The following DDX50 variants were observed in gnomAD, a reference collection of about 807,000 sequenced individuals.
DDX50 encodes DExD-box helicase 50, also known as ATP-dependent RNA helicase DDX50.
In DDX50, 56 loss-of-function variants were observed where a neutral mutation model predicts 94.8. The ratio of observed to expected loss-of-function variants is 0.59; its 90% confidence interval spans 0.48 to 0.74. The LOEUF is 0.74. Among genes scored for constraint, DDX50 ranks in the 30% least tolerant of loss-of-function variants. DDX50 has a pLI of 0.00. For synonymous variants in DDX50, 264 were observed against 295.4 expected (o/e 0.89, Z 1.09); for missense variants, 713 against 881.2 (o/e 0.81, Z 2.42).
intron 7 of DDX50, among the ~76,000 whole-genome samples, chr10:68,918,052 G>A (rs1373081933): frequency 1.3e-5 from 2 of 152,038 alleles, no homozygotes; most frequent in Non-Finnish European, 2.9e-5. Context: ...AGCCTCCTGA[G>A]TAGCTGGGAT....
At chr10:68,905,417 G>T (rs557754318) in intron 1 of DDX50, among the ~76,000 whole-genome samples, 1 of 151,460 alleles carries the variant, frequency 6.6e-6, no homozygotes. Context: ...ACTTCTATAT[G>T]AATTATATAG....
At chr10:68,901,603 G>A in intron 1 of DDX50, 132 bp downstream of exon 1, 1 of 943,736 alleles carries the variant, frequency 1.1e-6, no homozygotes, top group East Asian at 2.9e-5. Context: ...CGCCGCCCTC[G>A]GCCCTCTGGG....
chr10:68,931,813 C>T (rs1263797492), intron 8 of DDX50, among the ~76,000 whole-genome samples: 1 of 151,960 alleles, frequency 6.6e-6, no homozygotes, highest in African/African-American at 2.4e-5. Flanking sequence ...TATTCTATTC[C>T]AATCTCATCT....
intron 8 of DDX50, among the ~76,000 whole-genome samples, chr10:68,933,132 G>A (rs868058412): frequency 6.7e-6 from 1 of 150,066 alleles, no homozygotes; most frequent in African/African-American, 2.5e-5. Context: ...GCAATGGCAC[G>A]ATCTCAGCTC....
intron 6 of DDX50, 24 bp downstream of exon 6, chr10:68,913,600 A>G: frequency 6.3e-7 from 1 of 1,579,778 alleles, no homozygotes. Flanking sequence ...CAAAATAAGC[A>G]CATTAGCAAT....
At chr10:68,940,396 G>A (rs934704048) in intron 12 of DDX50, among the ~76,000 whole-genome samples, 12 of 150,368 alleles carry the variant, frequency 8.0e-5, no homozygotes, top group African/African-American at 2.9e-4. Context: ...AAAAAAAAAG[G>A]TTAAAGAAAT....
chr10:68,906,666 G>T, intron 1 of DDX50, 45 bp from the exon 2 acceptor site: 1 of 1,583,496 alleles, frequency 6.3e-7, no homozygotes, highest in Non-Finnish European at 8.5e-7. Context: ...AGTCTTAAAA[G>T]AAAACCTCTG....
chr10:68,943,164 C>T, intron 13 of DDX50, 49 bp from the exon 14 acceptor site: 1 of 1,567,628 alleles, frequency 6.4e-7, no homozygotes. Flanking sequence ...CAAAAAAAAT[C>T]TACACATATG....
intron 7 of DDX50, 60 bp downstream of exon 7, chr10:68,914,264 T>C (rs754284962): frequency 2.2e-5 from 35 of 1,585,674 alleles, no homozygotes; most frequent in Non-Finnish European, 2.6e-5. Flanking sequence ...TTTTGACATT[T>C]GTTGAAGCTA....
intron 8 of DDX50, among the ~76,000 whole-genome samples, chr10:68,928,492 G>T (rs1842149524): frequency 6.6e-6 from 1 of 152,148 alleles, no homozygotes; most frequent in South Asian, 2.1e-4. Context: ...GCAACATAGT[G>T]AGACTTCATC....
intron 1 of DDX50, among the ~76,000 whole-genome samples, chr10:68,902,653 C>CA (rs538249827): frequency 2.9e-3 from 441 of 151,376 alleles, no homozygotes; most frequent in African/African-American, 0.01. Context: ...CGGCAACTAC[C>CA]ATTCTACTTT....
At chr10:68,946,230 T>TA in intron 14 of DDX50, 122 bp from the exon 15 acceptor site, 1 of 1,212,642 alleles carries the variant, frequency 8.2e-7, no homozygotes, top group Non-Finnish European at 1.1e-6. Context: ...TTGTTCCAGA[T>TA]ACGTTAACAG....
At position 68,936,041 on chromosome 10, in the gene DDX50, A is replaced by G; in HGVS notation, c.1557A>G (p.Thr519=). The G allele has an allele frequency of 1.2e-6, 2 of 1,610,506 alleles. No homozygotes were observed. Among genetic ancestry groups the G allele is most frequent in the Non-Finnish European group, 1.7e-6 (2 of 1,178,736 alleles). The part of the protein sequence containing the change: ...ITFKRVGVPS[T]MDLVKSKSMD... ...TTAAACGTGTAGGTGTTCCTTCTAC[A>G]ATGGATTTAGTTAAATCTAAAAGCA... The change falls in exon 11 of 15, where the codon ACA becomes ACG. Residue 519 remains threonine, a synonymous_variant. Transcript: ENST00000373585.
intron 7 of DDX50, among the ~76,000 whole-genome samples, chr10:68,918,231 A>T (rs949602314): frequency 1.3e-5 from 2 of 151,568 alleles, no homozygotes; most frequent in Non-Finnish European, 2.9e-5. Flanking sequence ...GCCTATATAT[A>T]TCTTTAACTA....
rs1842400084 is a variant in DDX50, at chr10:68,936,082, A to G, written c.1595+3A>G. On this transcript the variant is annotated splice_donor_region_variant and intron_variant, in intron 11 of 14. Coordinates refer to ENST00000373585, the MANE Select transcript of DDX50 (RefSeq NM_024045.2). ...TCTAAAAGCATGGATGCCATCAGGT[A>G]TGCTTTCTGAACTTGCTGAATAATT... 6.2e-7 allele frequency: 1 copy of G among 1,606,772 alleles called. No individual in the cohort carries two copies. The highest frequency in any genetic ancestry group is 8.5e-7 in the Non-Finnish European group (1 of 1,176,546).
intron 8 of DDX50, among the ~76,000 whole-genome samples, chr10:68,928,664 T>C (rs1189825253): frequency 6.6e-6 from 1 of 152,210 alleles, no homozygotes; most frequent in Non-Finnish European, 1.5e-5. Context: ...ATGGTAATGA[T>C]ACCCAAATCT....
In DDX50 at chr10:68,946,603, T is replaced by G; in HGVS notation, c.2187T>G (p.Ser729Arg). 6.2e-7 allele frequency: 1 copy of G among 1,613,832 alleles called. No homozygotes were observed. Among genetic ancestry groups the G allele is most frequent in the Non-Finnish European group, 8.5e-7 (1 of 1,179,914 alleles). ...GTGGGAATAGAAATCGATCAAGAAG[T>G]GGGGGCCACAAACGGAGTTTTGACT... ...RRSGNRNRSR[S>R]GGHKRSFD Residue 729 changes from serine to arginine, a missense_variant, in exon 15 of 15, where the codon AGT becomes AGG. This residue lies in a region of DDX50 where 428 missense variants were observed against 602.3 expected (regional missense o/e 0.71). Coordinates refer to ENST00000373585, the MANE Select transcript of DDX50 (RefSeq NM_024045.2).
intron 2 of DDX50, among the ~76,000 whole-genome samples, chr10:68,909,654 CT>C (rs927621607): frequency 2.2e-4 from 33 of 147,568 alleles, no homozygotes; most frequent in African/African-American, 3.7e-4. Context: ...GTAGGAGGAT[CT>C]TTTTTTTTTT....
intron 8 of DDX50, among the ~76,000 whole-genome samples, chr10:68,931,413 A>ATATATG (rs1564613859): frequency 1.3e-4 from 11 of 85,442 alleles, no homozygotes; most frequent in East Asian, 4.6e-4. Context: ...ATATATATGT[A>ATATATG]TATATATATA....
Sources: allele counts gnomAD v4.1 joint callset (sites outside exome capture counted in the v4.1 genomes callset), GRCh38; gene constraint gnomAD v4.1.1; regional missense constraint gnomAD v4.1.1; transcripts MANE v1.5; gene names NCBI Gene and HGNC (gene_info 2026-07-23, HGNC 2026-07-21).